ZNF835: variants seen among roughly 807,000 people sequenced by gnomAD.
ZNF835 encodes the protein zinc finger protein 835.
For missense variants in ZNF835, 783 were observed against 758.4 expected, an observed-to-expected ratio of 1.03 and a Z score of -0.38; for synonymous variants, 323 against 324.7, an observed-to-expected ratio of 0.99 and a Z score of 0.06.
Position 56,664,711 on chromosome 19 carries a change from TC to T in ZNF835, c.487del (p.Glu163ArgfsTer47), listed in dbSNP as rs2045228042. 1 of 1,611,340 alleles carries T rather than the reference TC, an allele frequency of 6.2e-7. No homozygotes were observed. The highest frequency in any genetic ancestry group is 1.3e-5 in the African/African-American group (1 of 75,036). On this transcript the variant is annotated frameshift_variant, in exon 2 of 2. Transcript: ENST00000537055. LOFTEE classifies it low-confidence loss of function (END_TRUNC). The stretch of plus-strand genomic sequence containing the variant: ...GCACTCGTGGCAGGCGTAGGGCTTC[TC>T]GCCCGTGTGCGTGCGCTGGTGCAGG... ...LTLHQRTHTG[E>X]KPYACHECGK... is the part of the protein sequence containing the mutation.
chr19:56,666,397 G>A (rs926591825), intron 1 of ZNF835, among the ~76,000 whole-genome samples: 9 of 152,266 alleles, frequency 5.9e-5, no homozygotes, highest in African/African-American at 1.4e-4. Flanking sequence ...GTGAGCCACC[G>A]CGCTTGGCTG....
intron 1 of ZNF835, among the ~76,000 whole-genome samples, chr19:56,670,721 G>A (rs991791306): frequency 2.6e-5 from 4 of 152,218 alleles, no homozygotes; most frequent in Non-Finnish European, 5.9e-5. Context: ...CATGTGCAGC[G>A]TCTCCATCAT....
chr19:56,665,102 T>A lies in ZNF835; in HGVS notation c.97A>T (p.Ser33Cys), dbSNP rs775151014. The A allele has an allele frequency of 1.2e-6, 2 of 1,613,996 alleles. No individual in the cohort carries two copies. Among genetic ancestry groups the A allele is most frequent in the South Asian group, 1.1e-5 (1 of 91,090 alleles). The part of the protein sequence containing the change: ...QVEDLQENQE[S>C]CPEPEAVACK... ...GCCACGGCCTCTGGCTCTGGACAGC[T>A]TTCCTGGTTTTCCTGCAGGTCCTCA... is the stretch of plus-strand genomic sequence containing the variant. The change falls in exon 2 of 2, where the codon AGC (serine) becomes TGC (cysteine). Residue 33 changes from serine to cysteine, a missense_variant. Transcript: ENST00000537055.
chr19:56,669,189 C>T (rs575543693), intron 1 of ZNF835, among the ~76,000 whole-genome samples: 14 of 152,256 alleles, frequency 9.2e-5, no homozygotes, highest in East Asian at 1.9e-4. Flanking sequence ...GCTTTATTTA[C>T]GGTTACTGGT....
Position 56,664,240 on chromosome 19 carries a change from G to A in ZNF835, c.959C>T (p.Ser320Phe). The A allele has an allele frequency of 6.3e-7, 1 of 1,598,754 alleles. No individual in the cohort carries two copies. Among genetic ancestry groups the A allele is most frequent in the Non-Finnish European group, 8.5e-7 (1 of 1,172,910 alleles). ...DCGALFSQSASLAEHRRIHTG... is the reference protein window; with the variant it reads ...DCGALFSQSAFLAEHRRIHTG... ...GTGGATGCGCCGGTGCTCGGCCAGAGAGGCGCTCTGGCTGAAGAGCGCGCC... is the reference window on the plus strand; with the variant it reads ...GTGGATGCGCCGGTGCTCGGCCAGAAAGGCGCTCTGGCTGAAGAGCGCGCC... The change falls in exon 2 of 2, where the codon TCT becomes TTT. Residue 320 changes from serine (S) to phenylalanine (F), a missense_variant. By Grantham distance (155) the Ser-to-Phe change is radical (BLOSUM62 -2). Transcript: ENST00000537055.
rs2045211566 is a variant in ZNF835 at position 56,663,929 on chromosome 19, C to T, written c.1270G>A (p.Gly424Ser). The change falls in exon 2 of 2, where the codon GGC becomes AGC. Residue 424 changes from glycine to serine, a missense_variant. Coordinates refer to ENST00000537055, the MANE Select transcript of ZNF835 (RefSeq NM_001005850.3). ...GERPYKCGECGKAFSQGSSLA... is the reference protein window; with the variant it reads ...GERPYKCGECSKAFSQGSSLA... ...GAGGAGCCCTGGCTGAAAGCTTTGC[C>T]GCACTCGCCGCACTTGTAGGGCCGC... 2 of 1,612,360 alleles carry T rather than the reference C, an allele frequency of 1.2e-6. No individual in the cohort carries two copies. Among genetic ancestry groups the T allele is most frequent in the East Asian group, 4.5e-5 (2 of 44,820 alleles).
At position 56,663,474 on chromosome 19, in the gene ZNF835, T is replaced by A; in HGVS notation, c.*111A>T. On this transcript the variant is annotated 3_prime_UTR_variant, in exon 2 of 2. Coordinates refer to ENST00000537055, the MANE Select transcript of ZNF835 (RefSeq NM_001005850.3). ...CCTGTGTCTTCCCCACTGTGTGCCC[T>A]CAGGCAAGTTAACAAGCTTCTCTGA... is the stretch of plus-strand genomic sequence containing the variant. 1 of 1,461,860 alleles carries A rather than the reference T, an allele frequency of 6.8e-7. No individual in the cohort carries two copies. The highest frequency in any genetic ancestry group is 9.3e-7 in the Non-Finnish European group (1 of 1,074,220). 90.6% of individuals were successfully genotyped at this position (1,461,860 alleles called of 1,614,324 possible). A position where few individuals can be genotyped will look rare whatever the true frequency, so the allele number is the denominator to read the frequency against.
intron 1 of ZNF835, among the ~76,000 whole-genome samples, chr19:56,666,813 C>CT (rs2045250432): frequency 6.6e-6 from 1 of 152,186 alleles, no homozygotes; most frequent in African/African-American, 2.4e-5. Context: ...TCTGCTCTCT[C>CT]TGTCCTCTCT....
chr19:56,668,878 G>A (rs1252144778), intron 1 of ZNF835, among the ~76,000 whole-genome samples: 1 of 152,130 alleles, frequency 6.6e-6, no homozygotes, highest in African/African-American at 2.4e-5. Flanking sequence ...CATCCCCGGA[G>A]TGTGCAGGGG....
intron 1 of ZNF835, among the ~76,000 whole-genome samples, chr19:56,667,027 AG>A (rs1457288403): frequency 6.6e-5 from 10 of 152,194 alleles, no homozygotes; most frequent in Non-Finnish European, 1.2e-4. Context: ...TCGTGGGCCC[AG>A]GGTCGTTAGA....
chr19:56,667,355 C>T (rs1467186191), intron 1 of ZNF835, among the ~76,000 whole-genome samples: 1 of 152,186 alleles, frequency 6.6e-6, no homozygotes, highest in East Asian at 1.9e-4. Context: ...CCTGTGGATC[C>T]ACTGTGCTGG....
At chr19:56,670,994 C>A (rs928450061) in intron 1 of ZNF835, among the ~76,000 whole-genome samples, 5 of 152,288 alleles carry the variant, frequency 3.3e-5, no homozygotes, top group Non-Finnish European at 5.9e-5. Context: ...GTGTTACATG[C>A]CTTTACCTGC....
Position 56,666,293 on chromosome 19 carries a change from G to A in ZNF835, c.-47-1048C>T, listed in dbSNP as rs145787277. 2.6e-3 allele frequency among the ~76,000 whole-genome samples: 394 copies of A among 152,312 alleles called. 2 individuals are homozygous for A. In the Middle Eastern group the frequency reaches 0.027, roughly 11 times the overall value. ...GGCTAATTTTTGTATTTTTAGTAGA[G>A]AGGGGGTTTCACCATATTGGCCAGG... On this transcript the variant is annotated intron_variant, in intron 1 of 1. Transcript: ENST00000537055.
chr19:56,665,253 G>A lies in ZNF835; in HGVS notation c.-47-8C>T. The A allele has an allele frequency of 1.9e-6, 3 of 1,593,076 alleles. No homozygotes were observed. Among genetic ancestry groups the A allele is most frequent in the Admixed American group, 3.6e-5 (2 of 55,188 alleles). On this transcript the variant is annotated splice_polypyrimidine_tract_variant and splice_region_variant and intron_variant, in intron 1 of 1. Transcript: ENST00000537055. ...CACATCTTTTCTCTGGGTCTGAAAA[G>A]AAAAAGATAGAAAAAAAAATTAAAT...
chr19:56,671,446 G>A (rs1384272098), intron 1 of ZNF835, 130 bp downstream of exon 1: 1 of 152,210 alleles, frequency 6.6e-6, no homozygotes, highest in East Asian at 1.9e-4. Flanking sequence ...GTTACTCAGG[G>A]ACGGGCTCAC....
At chr19:56,668,589 G>A (rs184171698) in intron 1 of ZNF835, among the ~76,000 whole-genome samples, 28 of 152,200 alleles carry the variant, frequency 1.8e-4, no homozygotes, top group African/African-American at 6.3e-4. Context: ...TTCCCGCAGC[G>A]TGTGCCTCAG....
At position 56,662,012 on chromosome 19, in the gene ZNF835, T is replaced by C. The variant is rs2045191320; in HGVS notation, c.*1573A>G. ...ATGAGATTATAACTTTAATTCAACA[T>C]TGTAGTAGGTGGATTACGTTCATAA... On this transcript the variant is annotated 3_prime_UTR_variant, in exon 2 of 2. Transcript: ENST00000537055. The C allele has an allele frequency of 6.6e-6, 1 of 152,116 alleles. No homozygotes were observed. The highest frequency in any genetic ancestry group is 2.4e-5 in the African/African-American group (1 of 41,426). 9.4% of individuals were successfully genotyped at this position (152,116 alleles called of 1,614,324 possible). A position where few individuals can be genotyped will look rare whatever the true frequency, so the allele number is the denominator to read the frequency against.
At chr19:56,669,461 C>T (rs982882526) in intron 1 of ZNF835, among the ~76,000 whole-genome samples, 1 of 152,168 alleles carries the variant, frequency 6.6e-6, no homozygotes, top group Non-Finnish European at 1.5e-5. Context: ...CTGGAATGCT[C>T]ATCAGGGCTA....
rs7250003 is a variant in ZNF835, at chr19:56,664,116, A to G, written c.1083T>C (p.Pro361=). ...GCTTGCCGCAGTCGTGGCAGGGGTA[A>G]GGCCGCTCTCCGGTGTGCGTGCGCT... ...QHQRTHTGER[P]YPCHDCGKRF... Residue 361 remains proline, a synonymous_variant, in exon 2 of 2, where the codon CCT becomes CCC. Coordinates refer to ENST00000537055, the MANE Select transcript of ZNF835 (RefSeq NM_001005850.3). The G allele has an allele frequency of 0.34, 543,294 of 1,605,284 alleles. 98,586 individuals carry two copies. The highest frequency in any genetic ancestry group is 0.66 in the African/African-American group (49,041 of 74,410).
Sources: gnomAD v4.1 joint callset for allele counts (sites outside exome capture counted in the v4.1 genomes callset) on GRCh38, gnomAD v4.1.1 for gene constraint, MANE v1.5 for transcripts, NCBI Gene and HGNC (gene_info 2026-07-23, HGNC 2026-07-21) for gene names.